Variants in ANK2 observed in about 807,000 individuals in gnomAD.
The protein encoded by ANK2 is ankyrin 2.
In ANK2, 83 loss-of-function variants were observed where a neutral mutation model predicts 360.5. The observed-to-expected ratio is 0.23, with a 90% CI of 0.19 to 0.28. The LOEUF (loss-of-function observed/expected upper bound fraction) is 0.28. Ranked by LOEUF, ANK2 falls within the 10% of genes least tolerant of loss-of-function variation. ANK2 has a pLI of 1.00. For synonymous variants in ANK2, 1,740 were observed against 1,759.5 expected (o/e 0.99, Z 0.28); for missense variants, 4,201 against 4,795.7 (o/e 0.88, Z 3.66).
At chr4:112,902,470 A>G (rs1272585197) in intron 1 of ANK2, among the ~76,000 whole-genome samples, 3 of 152,196 alleles carry the variant, frequency 2.0e-5, no homozygotes, top group Non-Finnish European at 2.9e-5. Flanking sequence ...CTGTGATGCT[A>G]TTGTCTGTAT....
chr4:112,718,888 C>T, the ANK2 span, among the ~76,000 whole-genome samples: 51 of 152,276 alleles, frequency 3.3e-4, no homozygotes, highest in African/African-American at 1.1e-3. Context: ...CTGCCCACCT[C>T]GGCCTCCCAA....
intron 23 of ANK2, among the ~76,000 whole-genome samples, chr4:113,303,856 T>G (rs1292743275): frequency 1.3e-5 from 2 of 152,246 alleles, no homozygotes; most frequent in African/African-American, 4.8e-5. Flanking sequence ...GCACTAGGTT[T>G]AATACTCATT....
chr4:113,373,466 C>T lies in ANK2; in HGVS notation c.11859+17C>T. On this transcript the variant is annotated intron_variant, in intron 45 of 45. Transcript: ENST00000357077. Reference sequence around the variant, plus strand: ...CAGTCAGAGGTGAGACAACCTGATTCTCTAAAACCCATTTGATGGAGAGGA... The same window carrying T: ...CAGTCAGAGGTGAGACAACCTGATTTTCTAAAACCCATTTGATGGAGAGGA... 1.2e-6 allele frequency: 2 copies of T among 1,613,466 alleles called. No individual in the cohort carries two copies. The highest frequency in any genetic ancestry group is 1.7e-6 in the Non-Finnish European group (2 of 1,179,460).
At chr4:112,896,365 T>C (rs188159800) in intron 1 of ANK2, among the ~76,000 whole-genome samples, 1 of 152,326 alleles carries the variant, frequency 6.6e-6, no homozygotes, top group Non-Finnish European at 1.5e-5. Flanking sequence ...CATGAATTAC[T>C]CCTACCTTCA....
chr4:113,322,838 A>C (rs1045096181), intron 26 of ANK2, among the ~76,000 whole-genome samples: 1 of 152,248 alleles, frequency 6.6e-6, no homozygotes, highest in African/African-American at 2.4e-5. Flanking sequence ...CTCACTTGAC[A>C]ATATTAATGT....
intron 21 of ANK2, 88 bp downstream of exon 21, chr4:113,292,602 G>GACA: frequency 7.5e-7 from 1 of 1,341,954 alleles, no homozygotes; most frequent in Non-Finnish European, 1.0e-6. Flanking sequence ...AGTGAGGTCA[G>GACA]ATTCCTCCTC....
chr4:113,114,674 T>C (rs561918104), intron 1 of ANK2, among the ~76,000 whole-genome samples: 1 of 152,164 alleles, frequency 6.6e-6, no homozygotes, highest in South Asian at 2.1e-4. Context: ...TACAAGAGAG[T>C]CTATATTGAG....
the ANK2 span, chr4:112,738,522 A>G: frequency 2.9e-6 from 1 of 339,180 alleles, no homozygotes; most frequent in South Asian, 2.7e-5. Context: ...GTGCTGTGAG[A>G]GTAGTAAGGG....
chr4:113,241,272 T>C (rs963722296), intron 8 of ANK2, among the ~76,000 whole-genome samples: 16 of 152,248 alleles, frequency 1.1e-4, no homozygotes, highest in African/African-American at 3.9e-4. Context: ...TCATCTGCAC[T>C]GAAACTATGT....
intron 2 of ANK2, among the ~76,000 whole-genome samples, chr4:112,972,855 C>G (rs1004335116): frequency 3.3e-5 from 5 of 151,976 alleles, no homozygotes; most frequent in Non-Finnish European, 4.4e-5. Context: ...ATAAATGAAA[C>G]AATGTCTTTT....
chr4:113,078,987 C>T (rs1049388286), intron 1 of ANK2, among the ~76,000 whole-genome samples: 1 of 152,062 alleles, frequency 6.6e-6, no homozygotes, highest in Non-Finnish European at 1.5e-5. Context: ...TTTCATTAAA[C>T]CCATTTACGT....
At chr4:113,301,568 C>G (rs990908758) in intron 22 of ANK2, among the ~76,000 whole-genome samples, 1 of 152,048 alleles carries the variant, frequency 6.6e-6, no homozygotes, top group Non-Finnish European at 1.5e-5. Flanking sequence ...TACAATAAAT[C>G]TCTTGAATTT....
chr4:113,026,407 GC>G (rs2059302178), intron 2 of ANK2, among the ~76,000 whole-genome samples: 1 of 152,120 alleles, frequency 6.6e-6, no homozygotes, highest in South Asian at 2.1e-4. Flanking sequence ...TCCTTTCTGT[GC>G]CAGAGAACTA....
the ANK2 span, among the ~76,000 whole-genome samples, chr4:112,809,332 CG>C: frequency 2.0e-5 from 3 of 150,556 alleles, no homozygotes; most frequent in Non-Finnish European, 3.0e-5. Context: ...GAGGCCGAGA[CG>C]GATGGATCAC....
chr4:113,047,148 C>A (rs1255301036), upstream of ANK2, among the ~76,000 whole-genome samples: 3 of 152,168 alleles, frequency 2.0e-5, no homozygotes, highest in Non-Finnish European at 4.4e-5. Flanking sequence ...CATCTCGGGA[C>A]CTTTGAACTG....
chr4:113,352,713 C>T (rs1380235827), intron 37 of ANK2, among the ~76,000 whole-genome samples: 1 of 151,584 alleles, frequency 6.6e-6, no homozygotes, highest in Non-Finnish European at 1.5e-5. Context: ...TGTAATTTCA[C>T]TGCGTTCTTT....
chr4:112,984,143 A>C (rs2044065727), intron 2 of ANK2, among the ~76,000 whole-genome samples: 1 of 152,214 alleles, frequency 6.6e-6, no homozygotes, highest in East Asian at 1.9e-4. Flanking sequence ...AGAATTATAA[A>C]AATCTATTTA....
intron 42 of ANK2, among the ~76,000 whole-genome samples, chr4:113,369,240 T>C (rs543412389): frequency 6.6e-6 from 1 of 152,220 alleles, no homozygotes; most frequent in African/African-American, 2.4e-5. Flanking sequence ...TTATATACAT[T>C]GTAGAGGTTG....
At chr4:113,347,231 T>G (rs1283852328) in intron 35 of ANK2, among the ~76,000 whole-genome samples, 1 of 152,156 alleles carries the variant, frequency 6.6e-6, no homozygotes, top group East Asian at 1.9e-4. Flanking sequence ...ATTGTAAATT[T>G]TTATTAAATG....
Sources: gnomAD v4.1 joint callset for allele counts (sites outside exome capture counted in the v4.1 genomes callset) on GRCh38, gnomAD v4.1.1 for gene constraint, MANE v1.5 for transcripts, NCBI Gene and HGNC (gene_info 2026-07-23, HGNC 2026-07-21) for gene names.